Variants in TOMM70 observed in about 807,000 individuals in gnomAD.
TOMM70 encodes mitochondrial import receptor subunit TOM70.
TOMM70 carries 13 observed loss-of-function variants against 73.6 expected under a neutral mutation model. The observed-to-expected ratio is 0.18, with a 90% CI of 0.11 to 0.28. The LOEUF (loss-of-function observed/expected upper bound fraction) is 0.28. Ranked by LOEUF, TOMM70 falls within the 10% of genes least tolerant of loss-of-function variation. The pLI, the probability that TOMM70 is intolerant of heterozygous loss-of-function variation, is 1.00. For missense variants in TOMM70, 609 were observed against 747.5 expected (o/e 0.81, Z 2.16); for synonymous variants, 257 against 271.2 (o/e 0.95, Z 0.51).
At chr3:100,377,514 G>C in intron 6 of TOMM70, 191 bp downstream of exon 6, 1 of 594,224 alleles carries the variant, frequency 1.7e-6, no homozygotes, top group Non-Finnish European at 2.9e-6. Context: ...CCTAAATAAA[G>C]ATAAATATCA....
intron 1 of TOMM70, among the ~76,000 whole-genome samples, chr3:100,393,347 G>C (rs1301068265): frequency 6.6e-6 from 1 of 152,034 alleles, no homozygotes; most frequent in African/African-American, 2.4e-5. Context: ...ACTCAGAAAT[G>C]GGAAACCAAA....
At position 100,397,461 on chromosome 3, in the gene TOMM70, A is replaced by G. The variant is rs183023407; in HGVS notation, c.324+3165T>C. On this transcript the variant is annotated intron_variant, in intron 1 of 11. Transcript: ENST00000284320. ...TTACAGGTGTAGGCCTACATATTCC[A>G]CAAGATGGACAATGGTAAGTGCAAA... Among the ~76,000 whole-genome samples the G allele has an allele frequency of 3.2e-3, 493 of 152,354 alleles. 2 individuals are homozygous for G. The highest frequency in any genetic ancestry group is 0.012 in the African/African-American group (482 of 41,580).
At chr3:100,399,328 G>GC (rs1706862609) in intron 1 of TOMM70, among the ~76,000 whole-genome samples, 1 of 151,840 alleles carries the variant, frequency 6.6e-6, no homozygotes, top group Admixed American at 6.6e-5. Context: ...GAAATGACTT[G>GC]CATACATATT....
chr3:100,377,636 T>A (rs1045330322), intron 6 of TOMM70, 69 bp downstream of exon 6: 1 of 1,493,648 alleles, frequency 6.7e-7, no homozygotes, highest in East Asian at 2.3e-5. Flanking sequence ...CTTTAAAAAA[T>A]CTGGCAAAAC....
intron 9 of TOMM70, among the ~76,000 whole-genome samples, chr3:100,371,713 C>T (rs1002898116): frequency 5.3e-5 from 8 of 152,150 alleles, no homozygotes; most frequent in South Asian, 4.1e-4. Flanking sequence ...TTTGGCACCA[C>T]GGATTGGTTT....
rs371656919 is a variant in TOMM70, at chr3:100,384,571, T to A, written c.643A>T (p.Ile215Leu). The change falls in exon 4 of 12, where the codon ATA becomes TTA. Residue 215 changes from isoleucine (I) to leucine (L), a missense_variant. Around this residue, in one of 2 missense-constraint regions of TOMM70, gnomAD observed 432 missense variants for 584.1 expected, o/e 0.74. Coordinates refer to ENST00000284320, the MANE Select transcript of TOMM70 (RefSeq NM_014820.5). ...ECLEDVTAVC[I>L]LEGFQNQQSM... ...TGTTGATTTTGGAACCCTTCTAATA[T>A]ACACACAGCAGTGACATCTAGAAAT... 1.2e-5 allele frequency: 20 copies of A among 1,603,204 alleles called. No individual in the cohort carries two copies. Among genetic ancestry groups the A allele is most frequent in the Non-Finnish European group, 1.7e-5 (20 of 1,176,314 alleles).
intron 11 of TOMM70, among the ~76,000 whole-genome samples, chr3:100,366,603 G>A (rs1271710772): frequency 6.6e-6 from 1 of 152,210 alleles, no homozygotes; most frequent in Non-Finnish European, 1.5e-5. Context: ...AAGAGTTCAT[G>A]TTCTGGCATT....
At chr3:100,386,676 A>C in intron 2 of TOMM70, 129 bp downstream of exon 2, 1 of 1,162,454 alleles carries the variant, frequency 8.6e-7, no homozygotes, top group Middle Eastern at 2.1e-4. Flanking sequence ...TAATGGAAAT[A>C]AGAACAACAT....
At chr3:100,393,983 C>G (rs185023771) in intron 1 of TOMM70, among the ~76,000 whole-genome samples, 58 of 152,272 alleles carry the variant, frequency 3.8e-4, no homozygotes, top group African/African-American at 1.3e-3. Flanking sequence ...GATTACATGA[C>G]TACATTGCAA....
chr3:100,384,392 T>C, intron 4 of TOMM70, 87 bp downstream of exon 4: 1 of 876,600 alleles, frequency 1.1e-6, no homozygotes, highest in South Asian at 2.4e-5. Context: ...CCATTACCAC[T>C]ATGCCTAAGC....
chr3:100,391,540 T>C (rs1706762060), intron 1 of TOMM70, among the ~76,000 whole-genome samples: 1 of 152,112 alleles, frequency 6.6e-6, no homozygotes, highest in African/African-American at 2.4e-5. Context: ...ACAAAGCTTA[T>C]AGAGTAGGGA....
At chr3:100,400,574 G>GA in intron 1 of TOMM70, 52 bp downstream of exon 1, 2 of 1,575,026 alleles carry the variant, frequency 1.3e-6, no homozygotes, top group East Asian at 4.6e-5. Flanking sequence ...ACCCGCCAAG[G>GA]AAAAGCTGCA....
intron 11 of TOMM70, among the ~76,000 whole-genome samples, chr3:100,367,223 G>GA (rs576499180): frequency 7.4e-4 from 111 of 150,058 alleles, no homozygotes; most frequent in African/African-American, 1.5e-3. Flanking sequence ...ATAAAAAGAA[G>GA]AAAAAAAAAC....
At chr3:100,387,219 G>A (rs1706701458) in intron 1 of TOMM70, among the ~76,000 whole-genome samples, 1 of 152,158 alleles carries the variant, frequency 6.6e-6, no homozygotes. Context: ...GGCTGAGGCG[G>A]GTGGATCACT....
At chr3:100,366,780 A>G (rs1471099596) in intron 11 of TOMM70, among the ~76,000 whole-genome samples, 1 of 152,360 alleles carries the variant, frequency 6.6e-6, no homozygotes, top group East Asian at 1.9e-4. Flanking sequence ...CCCAGGATCT[A>G]TGAAAGCCTT....
intron 1 of TOMM70, among the ~76,000 whole-genome samples, chr3:100,389,724 T>A (rs1328321080): frequency 3.3e-5 from 5 of 152,242 alleles, no homozygotes. Context: ...TCATGAATCT[T>A]CATTTATCTA....
chr3:100,397,495 CTTATT>C (rs994430798), intron 1 of TOMM70, among the ~76,000 whole-genome samples: 14 of 150,096 alleles, frequency 9.3e-5, no homozygotes, highest in African/African-American at 2.8e-4. Flanking sequence ...AATGTTTTGC[CTTATT>C]TTATTTGGGG....
chr3:100,373,464 T>G, intron 8 of TOMM70, 74 bp downstream of exon 8: 839 of 1,196,934 alleles, frequency 7.0e-4, no homozygotes, highest in Non-Finnish European at 9.1e-4. Flanking sequence ...TTGTAGACAA[T>G]GAGATACTCA....
At chr3:100,389,817 G>A (rs1394705043) in intron 1 of TOMM70, among the ~76,000 whole-genome samples, 1 of 152,154 alleles carries the variant, frequency 6.6e-6, no homozygotes, top group African/African-American at 2.4e-5. Context: ...TGAGGCGGGT[G>A]GATTACCTCA....
Sources: gnomAD v4.1 joint callset for allele counts (sites outside exome capture counted in the v4.1 genomes callset) on GRCh38, gnomAD v4.1.1 for gene constraint, gnomAD v4.1.1 regional missense constraint, MANE v1.5 for transcripts, NCBI Gene and HGNC (gene_info 2026-07-23, HGNC 2026-07-21) for gene names.